The following CHSY1 variants were observed in gnomAD, a reference collection of about 807,000 sequenced individuals.
CHSY1 encodes the protein N-acetylgalactosaminyl-proteoglycan 3-beta-glucuronosyltransferase 1.
A neutral mutation model predicts 59.8 loss-of-function variants in CHSY1; 13 were observed. The observed-to-expected ratio is 0.22, with a 90% CI of 0.14 to 0.35. The LOEUF is 0.35. Among genes scored for constraint, CHSY1 ranks in the 10% least tolerant of loss-of-function variants. The pLI is 1.00. For synonymous variants in CHSY1, 459 were observed against 401.2 expected (o/e 1.14, Z -1.72); for missense variants, 947 against 1,030.6 (o/e 0.92, Z 1.11).
At chr15:101,198,924 C>T (rs979058861) in intron 2 of CHSY1, among the ~76,000 whole-genome samples, 28 of 152,210 alleles carry the variant, frequency 1.8e-4, no homozygotes, top group African/African-American at 6.3e-4. Flanking sequence ...AGTCTGCTGG[C>T]TGTGATCCAG....
chr15:101,224,401 G>A (rs2038819217), intron 2 of CHSY1, among the ~76,000 whole-genome samples: 1 of 152,202 alleles, frequency 6.6e-6, no homozygotes. Flanking sequence ...TTACTAGAAA[G>A]ACCCAGGGCT....
chr15:101,193,060 C>T (rs201151203), intron 2 of CHSY1, among the ~76,000 whole-genome samples: 4 of 152,234 alleles, frequency 2.6e-5, no homozygotes, highest in African/African-American at 7.2e-5. Flanking sequence ...AGCTCTGTTA[C>T]TGTGCACGTT....
intron 2 of CHSY1, among the ~76,000 whole-genome samples, chr15:101,205,346 A>T (rs2038614331): frequency 6.6e-6 from 1 of 152,180 alleles, no homozygotes. Flanking sequence ...GATTCAGAGG[A>T]AAGAAACTAG....
In CHSY1 at chr15:101,177,812, T is replaced by A; in HGVS notation, c.1985A>T (p.Gln662Leu). Residue 662 changes from glutamine (Q) to leucine (L), a missense_variant, in exon 3 of 3, where the codon CAG becomes CTG. Gln to Leu is a moderately radical substitution (Grantham distance 113). Transcript: ENST00000254190. ...QQIYFPIIFS[Q>L]YDPKIVYSGK... is the part of the protein sequence containing the mutation. ...ACTATAAACAATCTTTGGGTCATAC[T>A]GGCTGAAGATGATTGGAAAATATAT... 6.2e-7 allele frequency: 1 copy of A among 1,614,250 alleles called. No homozygotes were observed.
chr15:101,227,480 A>G (rs747340375), intron 2 of CHSY1, among the ~76,000 whole-genome samples: 1 of 152,236 alleles, frequency 6.6e-6, no homozygotes, highest in Non-Finnish European at 1.5e-5. Flanking sequence ...GGGGGAACAA[A>G]CAAACAAAAA....
intron 1 of CHSY1, among the ~76,000 whole-genome samples, chr15:101,246,402 G>C (rs2039052633): frequency 6.8e-6 from 1 of 146,156 alleles, no homozygotes; most frequent in Non-Finnish European, 1.5e-5. Flanking sequence ...AATCTAAATA[G>C]CACAGAAACT....
chr15:101,177,312 C>T lies in CHSY1; in HGVS notation c.*76G>A, dbSNP rs1214628533. 1 of 1,458,908 alleles carries T rather than the reference C, an allele frequency of 6.9e-7. No homozygotes were observed. The highest frequency in any genetic ancestry group is 9.3e-7 in the Non-Finnish European group (1 of 1,071,224). 90.4% of individuals were successfully genotyped at this position (1,458,908 alleles called of 1,614,324 possible). The stretch of plus-strand genomic sequence containing the variant: ...AAAATATATCCTTGTATACGGACTT[C>T]AAAAACTGATCATACAAAAAATTTT... On this transcript the variant is annotated 3_prime_UTR_variant, in exon 3 of 3. Transcript: ENST00000254190.
At chr15:101,187,868 G>T in intron 2 of CHSY1, 1 of 224,770 alleles carries the variant, frequency 4.4e-6, no homozygotes, top group Non-Finnish European at 7.4e-6. Context: ...ATGTTTCAGG[G>T]CTCTGCGTCA....
At chr15:101,191,809 G>A (rs1396086804) in intron 2 of CHSY1, among the ~76,000 whole-genome samples, 3 of 152,084 alleles carry the variant, frequency 2.0e-5, no homozygotes, top group Non-Finnish European at 4.4e-5. Flanking sequence ...TAAGTAGATT[G>A]TAGGGGAAAC....
At chr15:101,225,507 G>C (rs1320030270) in intron 2 of CHSY1, among the ~76,000 whole-genome samples, 3 of 152,176 alleles carry the variant, frequency 2.0e-5, no homozygotes, top group Non-Finnish European at 2.9e-5. Context: ...GGGAGGAACT[G>C]GATCATGGGG....
intron 1 of CHSY1, among the ~76,000 whole-genome samples, chr15:101,237,511 T>C (rs2038958195): frequency 1.3e-5 from 2 of 152,124 alleles, no homozygotes; most frequent in Admixed American, 6.5e-5. Flanking sequence ...AGTGGTCAAT[T>C]GCGAGGAAAC....
intron 2 of CHSY1, among the ~76,000 whole-genome samples, chr15:101,225,484 G>A (rs576237557): frequency 1.3e-5 from 2 of 152,188 alleles, no homozygotes; most frequent in African/African-American, 2.4e-5. Flanking sequence ...CAGTGTTGGA[G>A]GTGGGTCCTG....
intron 2 of CHSY1, among the ~76,000 whole-genome samples, chr15:101,219,923 C>T (rs528935708): frequency 2.6e-5 from 4 of 152,258 alleles, no homozygotes; most frequent in Non-Finnish European, 4.4e-5. Context: ...TGTGCCACCA[C>T]GCCCGGCTAA....
intron 2 of CHSY1, among the ~76,000 whole-genome samples, chr15:101,180,238 C>T (rs1596421473): frequency 1.3e-5 from 2 of 152,316 alleles, no homozygotes; most frequent in Non-Finnish European, 1.5e-5. Context: ...TGCCAGGCCC[C>T]GCACAGAGCT....
chr15:101,190,457 C>T (rs1417986112), intron 2 of CHSY1, among the ~76,000 whole-genome samples: 1 of 152,164 alleles, frequency 6.6e-6, no homozygotes, highest in Admixed American at 6.5e-5. Context: ...GAGACACAGA[C>T]CTTACCCTTC....
chr15:101,217,227 AAAG>A (rs1473672350), intron 2 of CHSY1, among the ~76,000 whole-genome samples: 2 of 152,254 alleles, frequency 1.3e-5, no homozygotes, highest in African/African-American at 2.4e-5. Flanking sequence ...ACAGTTTAGC[AAAG>A]AAGGAGGCTA....
At chr15:101,224,338 G>C (rs2038818357) in intron 2 of CHSY1, among the ~76,000 whole-genome samples, 1 of 152,150 alleles carries the variant, frequency 6.6e-6, no homozygotes, top group Admixed American at 6.5e-5. Context: ...TATGACTGGG[G>C]GCATTTGTGT....
intron 2 of CHSY1, among the ~76,000 whole-genome samples, chr15:101,179,699 G>A (rs1433680085): frequency 2.0e-5 from 3 of 152,344 alleles, no homozygotes; most frequent in South Asian, 4.1e-4. Context: ...GCACCAGCAC[G>A]GAGCTTGGTG....
chr15:101,186,664 G>T (rs1975754), intron 2 of CHSY1: 98,397 of 151,568 alleles, frequency 0.65, 33,393 homozygotes, highest in East Asian at 0.87. Context: ...ATTAGCCAGA[G>T]GTGGTGGCAC....
Sources: allele counts gnomAD v4.1 joint callset (sites outside exome capture counted in the v4.1 genomes callset), GRCh38; gene constraint gnomAD v4.1.1; transcripts MANE v1.5; gene names NCBI Gene and HGNC (gene_info 2026-07-23, HGNC 2026-07-21).